SLC8A1: variants seen among roughly 807,000 people sequenced by gnomAD.
The protein encoded by SLC8A1 is solute carrier family 8 member A1.
In SLC8A1, 18 loss-of-function variants were observed where a neutral mutation model predicts 68.3. That is an observed-to-expected ratio of 0.26 (90% confidence interval 0.18 to 0.39). The LOEUF is 0.39. Ranked by LOEUF, SLC8A1 falls within the 10% of genes least tolerant of loss-of-function variation. The pLI, the probability that SLC8A1 is intolerant of heterozygous loss-of-function variation, is 1.00. For missense variants in SLC8A1, 985 were observed against 1,156.7 expected, an observed-to-expected ratio of 0.85 and a Z score of 2.15; for synonymous variants, 475 against 415.5, an observed-to-expected ratio of 1.14 and a Z score of -1.74.
intron 2 of SLC8A1, among the ~76,000 whole-genome samples, chr2:40,211,604 G>C (rs1405829862): frequency 6.6e-6 from 1 of 152,176 alleles, no homozygotes; most frequent in Non-Finnish European, 1.5e-5. Context: ...GGGACAATGA[G>C]AAAAGCAGAG....
chr2:40,427,086 TA>T (rs1441455080), intron 2 of SLC8A1, among the ~76,000 whole-genome samples: 2 of 152,204 alleles, frequency 1.3e-5, no homozygotes, highest in South Asian at 4.1e-4. Context: ...AAATAGATAT[TA>T]ATCAAAACAC....
At chr2:40,357,554 TA>T (rs531428059) in intron 2 of SLC8A1, among the ~76,000 whole-genome samples, 137 of 149,786 alleles carry the variant, frequency 9.1e-4, no homozygotes, top group African/African-American at 3.3e-3. Flanking sequence ...GTGCTCAGTG[TA>T]GAAGTAATCT....
intron 2 of SLC8A1, among the ~76,000 whole-genome samples, chr2:40,240,644 A>T (rs922957893): frequency 8.5e-5 from 13 of 152,258 alleles, no homozygotes; most frequent in Non-Finnish European, 1.8e-4. Context: ...AAAGCCATAT[A>T]AATCTGTACT....
chr2:40,404,789 G>T (rs1272241216), intron 2 of SLC8A1, among the ~76,000 whole-genome samples: 6 of 152,146 alleles, frequency 3.9e-5, no homozygotes, highest in Admixed American at 3.3e-4. Context: ...CAGTTAAACA[G>T]GCTGTCCAAA....
chr2:40,487,022 C>G (rs1311098556), intron 1 of SLC8A1, among the ~76,000 whole-genome samples: 2 of 151,998 alleles, frequency 1.3e-5, no homozygotes, highest in Non-Finnish European at 2.9e-5. Context: ...CGGGGAACAT[C>G]ACACACCGGG....
At chr2:40,121,184 C>T (rs982321355) in intron 7 of SLC8A1, among the ~76,000 whole-genome samples, 1 of 152,152 alleles carries the variant, frequency 6.6e-6, no homozygotes, top group Non-Finnish European at 1.5e-5. Context: ...CCTGCTAGAT[C>T]CACTTAATCA....
intron 2 of SLC8A1, among the ~76,000 whole-genome samples, chr2:40,358,073 G>GTGGTGGTGA (rs1673315525): frequency 3.5e-5 from 5 of 144,402 alleles, no homozygotes; most frequent in Admixed American, 2.7e-4. Flanking sequence ...AAAAAAAAAG[G>GTGGTGGTGA]TGGCGGTGCT....
intron 2 of SLC8A1, among the ~76,000 whole-genome samples, chr2:40,229,758 T>C (rs1049397850): frequency 1.3e-5 from 2 of 152,192 alleles, no homozygotes; most frequent in Non-Finnish European, 2.9e-5. Flanking sequence ...GTGTGCTGTA[T>C]CTTATATCTT....
chr2:40,220,377 A>G (rs1400663689), intron 2 of SLC8A1: 1 of 152,128 alleles, frequency 6.6e-6, no homozygotes, highest in Non-Finnish European at 1.5e-5. Context: ...TTTTTAAAGG[A>G]GGTCATTAGT....
chr2:40,116,301 TA>T (rs2035362136), intron 7 of SLC8A1, among the ~76,000 whole-genome samples: 1 of 151,958 alleles, frequency 6.6e-6, no homozygotes, highest in Non-Finnish European at 1.5e-5. Context: ...ATTGTGATGG[TA>T]CTTTTTTATT....
In SLC8A1 at chr2:40,145,568, C is replaced by G. The variant is rs77180660; in HGVS notation, c.2162-5892G>C. Among the ~76,000 whole-genome samples, 935 of 152,316 alleles carry G rather than the reference C, an allele frequency of 6.1e-3. 8 individuals are homozygous for G. Among genetic ancestry groups the G allele is most frequent in the African/African-American group, 0.021 (861 of 41,582 alleles). Reference sequence around the variant, plus strand: ...TTTGCAACCTGACATACAGTAATTACAAATCAAATTCTACTCTCCTGTTAC... The same window carrying G: ...TTTGCAACCTGACATACAGTAATTAGAAATCAAATTCTACTCTCCTGTTAC... On this transcript the variant is annotated intron_variant, in intron 6 of 7. Transcript: ENST00000406785.
chr2:40,436,035 G>C (rs1317584627), intron 1 of SLC8A1, among the ~76,000 whole-genome samples: 1 of 150,752 alleles, frequency 6.6e-6, no homozygotes, highest in Non-Finnish European at 1.5e-5. Context: ...AGCCCTAAGT[G>C]CTGGGATTAC....
At chr2:40,120,241 A>G (rs188541947) in intron 7 of SLC8A1, among the ~76,000 whole-genome samples, 2 of 152,196 alleles carry the variant, frequency 1.3e-5, no homozygotes, top group African/African-American at 4.8e-5. Context: ...CAGCTCTCCA[A>G]TGCTTCATGC....
At chr2:40,358,047 G>GAAAAAAAAAA (rs1559373862) in intron 2 of SLC8A1, among the ~76,000 whole-genome samples, 1 of 105,826 alleles carries the variant, frequency 9.4e-6, no homozygotes, top group African/African-American at 3.9e-5. Flanking sequence ...TGCAACTGAA[G>GAAAAAAAAAA]GAAAAAAAAA....
intron 2 of SLC8A1, among the ~76,000 whole-genome samples, chr2:40,324,029 G>C (rs34478780): frequency 3.0e-5 from 4 of 134,572 alleles, no homozygotes; most frequent in South Asian, 4.3e-4. Context: ...AGTTAAAGGT[G>C]GGGGGGGGGC....
chr2:40,411,596 G>GA (rs947922521), intron 2 of SLC8A1, among the ~76,000 whole-genome samples: 3 of 151,542 alleles, frequency 2.0e-5, no homozygotes, highest in Admixed American at 6.6e-5. Context: ...AAAAAAACCT[G>GA]AAAAAACAAA....
chr2:40,264,058 TTG>T, intron 2 of SLC8A1, among the ~76,000 whole-genome samples: 1 of 152,228 alleles, frequency 6.6e-6, no homozygotes, highest in African/African-American at 2.4e-5. Flanking sequence ...CAGACACTTC[TTG>T]CAAGAAGACA....
intron 2 of SLC8A1, among the ~76,000 whole-genome samples, chr2:40,383,410 C>T (rs1196466350): frequency 6.6e-6 from 1 of 152,056 alleles, no homozygotes; most frequent in Non-Finnish European, 1.5e-5. Context: ...CAGGAACCAT[C>T]CCAAAGACAT....
intron 2 of SLC8A1, among the ~76,000 whole-genome samples, chr2:40,270,144 A>G (rs1004689423): frequency 2.0e-5 from 3 of 152,192 alleles, no homozygotes; most frequent in African/African-American, 7.2e-5. Flanking sequence ...AATGACTACC[A>G]CTGTGTCTAT....
Sources: allele counts gnomAD v4.1 joint callset (sites outside exome capture counted in the v4.1 genomes callset), GRCh38; gene constraint gnomAD v4.1.1; transcripts MANE v1.5; gene names NCBI Gene and HGNC (gene_info 2026-07-23, HGNC 2026-07-21).